Variants in BCLAF3 observed in about 807,000 individuals in gnomAD.
BCLAF3 encodes the protein BCLAF1 and THRAP3 family member 3.
BCLAF3 carries 24 observed loss-of-function variants against 51.2 expected under a neutral mutation model. The ratio of observed to expected loss-of-function variants is 0.47; its 90% CI spans 0.34 to 0.66. BCLAF3 has a LOEUF of 0.66. Among genes scored for constraint, BCLAF3 ranks in the 30% least tolerant of loss-of-function variants. BCLAF3 has a pLI of 0.01. For missense variants in BCLAF3, 465 were observed against 525.1 expected (o/e 0.89, Z 1.12); for synonymous variants, 152 against 176.6 (o/e 0.86, Z 1.10).
chrX:19,945,083 T>C (rs1411271421), intron 8 of BCLAF3, among the ~76,000 whole-genome samples: 5 of 110,261 alleles, frequency 4.5e-5, no homozygotes, highest in Non-Finnish European at 9.5e-5. Context: ...CTGAGGCTTC[T>C]GCATTCTTCA....
intron 6 of BCLAF3, among the ~76,000 whole-genome samples, chrX:19,953,351 C>G (rs1371995550): frequency 9.0e-6 from 1 of 111,645 alleles, no homozygotes; most frequent in Admixed American, 9.5e-5. Context: ...ACAGGGTACA[C>G]CACCTGCTCC....
chrX:19,917,153 A>C lies in BCLAF3; in HGVS notation c.*152T>G, dbSNP rs1047672230. The C allele has an allele frequency of 5.8e-5, 30 of 516,002 alleles. No homozygotes were observed. The highest frequency in any genetic ancestry group is 9.6e-5 in the Non-Finnish European group (29 of 302,441). 42.5% of individuals were successfully genotyped at this position (516,002 alleles called of 1,213,427 possible). A position where few individuals can be genotyped will look rare whatever the true frequency, so the allele number is the denominator to read the frequency against. On this transcript the variant is annotated 3_prime_UTR_variant, in exon 12 of 12. Coordinates refer to ENST00000379682, the MANE Select transcript of BCLAF3 (RefSeq NM_001367774.2). Reference sequence around the variant, plus strand: ...TTTAAAAGCAATTGTTAGGTGTAAAAAAGTTGCAGCATTCCACTACTAAAA... The same window carrying C: ...TTTAAAAGCAATTGTTAGGTGTAAACAAGTTGCAGCATTCCACTACTAAAA...
rs1488802265 is a variant in BCLAF3 at position 19,922,360 on chromosome X, ATC to A, written c.2107-5028_2107-5027del. Among the ~76,000 whole-genome samples, 9 of 111,756 alleles carry A rather than the reference ATC, an allele frequency of 8.1e-5. No individual in the cohort carries two copies. In the Admixed American group the frequency reaches 8.6e-4, roughly 11 times the overall value. On this transcript the variant is annotated intron_variant, in intron 11 of 11. Coordinates refer to ENST00000379682, the MANE Select transcript of BCLAF3 (RefSeq NM_001367774.2). ...ATAAATAGGGTTTCTCAGCACTTATATCTATAAAAAGAAAAAAAATAGAATAC... is the reference window on the plus strand; with the variant it reads ...ATAAATAGGGTTTCTCAGCACTTATATATAAAAAGAAAAAAAATAGAATAC...
chrX:19,962,777 G>GA (rs199817271), intron 4 of BCLAF3, among the ~76,000 whole-genome samples: 2,129 of 112,054 alleles, frequency 0.019, 62 homozygotes, highest in African/African-American at 0.065. Flanking sequence ...TTTCAAAGTA[G>GA]AATGTTGGAT....
At position 19,916,606 on chromosome X, in the gene BCLAF3, G is replaced by T. The variant is rs2069943902; in HGVS notation, c.*699C>A. Reference sequence around the variant, plus strand: ...CTTGCCCTGAGGGAAAAATAAGATGGACTATAGATTACAAAATCTTTACAT... The same window carrying T: ...CTTGCCCTGAGGGAAAAATAAGATGTACTATAGATTACAAAATCTTTACAT... On this transcript the variant is annotated 3_prime_UTR_variant, in exon 12 of 12. Coordinates refer to ENST00000379682, the MANE Select transcript of BCLAF3 (RefSeq NM_001367774.2). 1 of 112,291 alleles carries T rather than the reference G, an allele frequency of 8.9e-6. No homozygotes were observed. Among genetic ancestry groups the T allele is most frequent in the African/African-American group, 3.2e-5 (1 of 30,900 alleles). 9.3% of individuals were successfully genotyped at this position (112,291 alleles called of 1,213,427 possible).
intron 8 of BCLAF3, among the ~76,000 whole-genome samples, chrX:19,937,805 T>C (rs1045691910): frequency 8.9e-6 from 1 of 112,314 alleles, no homozygotes; most frequent in South Asian, 3.7e-4. Flanking sequence ...AAGGACAGGC[T>C]TTCTGGGGGC....
intron 4 of BCLAF3, among the ~76,000 whole-genome samples, chrX:19,956,915 A>G (rs933610788): frequency 1.8e-5 from 2 of 112,105 alleles, no homozygotes; most frequent in Non-Finnish European, 1.9e-5. Context: ...ACGCATGCAC[A>G]TATGTACTTA....
intron 11 of BCLAF3, among the ~76,000 whole-genome samples, chrX:19,921,801 G>C (rs1353460278): frequency 9.6e-6 from 1 of 104,243 alleles, no homozygotes; most frequent in South Asian, 4.3e-4. Flanking sequence ...TCAGGAGTTC[G>C]AGACCAGCCT....
intron 1 of BCLAF3, among the ~76,000 whole-genome samples, chrX:19,973,465 T>C: frequency 9.0e-6 from 1 of 111,690 alleles, no homozygotes; most frequent in Non-Finnish European, 1.9e-5. Context: ...GTAAGATAGA[T>C]ACATCTAGTT....
chrX:19,956,116 T>C (rs909928653), intron 4 of BCLAF3, among the ~76,000 whole-genome samples: 75 of 112,043 alleles, frequency 6.7e-4, no homozygotes, highest in African/African-American at 2.4e-3. Flanking sequence ...TCTCAGGAAA[T>C]AGTCTTAGTT....
At chrX:19,934,577 T>C (rs191539050) in intron 10 of BCLAF3, among the ~76,000 whole-genome samples, 2 of 112,630 alleles carry the variant, frequency 1.8e-5, no homozygotes, top group Admixed American at 9.4e-5. Flanking sequence ...GTTACTCTCA[T>C]TGAATAAAAT....
intron 8 of BCLAF3, among the ~76,000 whole-genome samples, chrX:19,941,029 G>A (rs1437604047): frequency 3.6e-5 from 4 of 110,668 alleles, no homozygotes; most frequent in African/African-American, 1.0e-4. Context: ...CAGTGATGAT[G>A]AGCATTTTTT....
intron 8 of BCLAF3, among the ~76,000 whole-genome samples, chrX:19,944,984 T>G (rs868105756): frequency 2.2e-3 from 230 of 102,751 alleles, no homozygotes; most frequent in African/African-American, 7.6e-3. Context: ...CTTTTTATTC[T>G]TTTTTCTCTA....
chrX:19,972,717 G>A (rs2072296617), intron 1 of BCLAF3, among the ~76,000 whole-genome samples: 1 of 111,656 alleles, frequency 9.0e-6, no homozygotes, highest in African/African-American at 3.3e-5. Context: ...CATACAAATG[G>A]AATCAAACAG....
chrX:19,971,149 G>A (rs961730482), intron 1 of BCLAF3, among the ~76,000 whole-genome samples: 6 of 112,044 alleles, frequency 5.4e-5, no homozygotes. Flanking sequence ...GAGTGCAGTG[G>A]TGCGATCACA....
At chrX:19,933,325 T>G (rs1193121100) in intron 10 of BCLAF3, among the ~76,000 whole-genome samples, 4 of 112,249 alleles carry the variant, frequency 3.6e-5, no homozygotes, top group Admixed American at 2.8e-4. Flanking sequence ...CAGAAATAGA[T>G]TTTATTCTTT....
chrX:19,922,659 A>G (rs1032330381), intron 11 of BCLAF3, among the ~76,000 whole-genome samples: 2 of 111,529 alleles, frequency 1.8e-5, no homozygotes, highest in Non-Finnish European at 3.8e-5. Context: ...GCACTTTGGG[A>G]GGCTGAGGTG....
chrX:19,945,346 C>T (rs2071229082), intron 8 of BCLAF3, among the ~76,000 whole-genome samples: 2 of 107,483 alleles, frequency 1.9e-5, no homozygotes, highest in African/African-American at 3.5e-5. Context: ...GGAGGAGAGG[C>T]GCTCTGTGTT....
At chrX:19,957,759 T>G (rs1272802104) in intron 4 of BCLAF3, among the ~76,000 whole-genome samples, 1 of 111,836 alleles carries the variant, frequency 8.9e-6, no homozygotes, top group African/African-American at 3.2e-5. Context: ...AGATCTTTAA[T>G]AAAAAATTTA....
Sources: allele counts gnomAD v4.1 joint callset (sites outside exome capture counted in the v4.1 genomes callset), GRCh38; gene constraint gnomAD v4.1.1; transcripts MANE v1.5; gene names NCBI Gene and HGNC (gene_info 2026-07-23, HGNC 2026-07-21).